Variants in LOC400499 observed in about 807,000 individuals in gnomAD.
the LOC400499 span, among the ~76,000 whole-genome samples, chr16:11,504,138 A>G: frequency 6.6e-6 from 1 of 152,166 alleles, no homozygotes. Flanking sequence ...GCACGACAGG[A>G]GGGATCATTA....
the LOC400499 span, among the ~76,000 whole-genome samples, chr16:11,397,627 A>C: frequency 6.6e-6 from 1 of 152,080 alleles, no homozygotes; most frequent in Non-Finnish European, 1.5e-5. Context: ...TATTGTCTAT[A>C]GCTGCTTTCA....
At chr16:11,465,361 A>C in the LOC400499 span, 1 of 152,156 alleles carries the variant, frequency 6.6e-6, no homozygotes, top group South Asian at 2.1e-4. Flanking sequence ...TCCTCACCTC[A>C]AGTGATCCTC....
chr16:11,498,503 A>AT, the LOC400499 span, among the ~76,000 whole-genome samples: 3 of 151,528 alleles, frequency 2.0e-5, no homozygotes, highest in East Asian at 5.8e-4. Flanking sequence ...ATGATTAAAT[A>AT]ATTAAATAAA....
chr16:11,402,235 G>A, the LOC400499 span: 8 of 398,744 alleles, frequency 2.0e-5, no homozygotes, highest in East Asian at 2.8e-4. Context: ...GGGGGTTCAG[G>A]GGACTCAACT....
the LOC400499 span, among the ~76,000 whole-genome samples, chr16:11,384,508 G>A: frequency 2.0e-5 from 3 of 152,198 alleles, no homozygotes; most frequent in Non-Finnish European, 2.9e-5. Context: ...CTCATCAGAG[G>A]AGGAAGAGAA....
At chr16:11,389,588 G>C in the LOC400499 span, among the ~76,000 whole-genome samples, 1 of 146,284 alleles carries the variant, frequency 6.8e-6, no homozygotes, top group Non-Finnish European at 1.5e-5. Flanking sequence ...GGGAGGCTGA[G>C]GCAGGAGAAT....
chr16:11,493,746 A>C, the LOC400499 span: 1 of 394,162 alleles, frequency 2.5e-6, no homozygotes, highest in East Asian at 3.6e-5. Context: ...TAGGGGTGAG[A>C]GCCATGGCTG....
At chr16:11,456,011 T>C in the LOC400499 span, among the ~76,000 whole-genome samples, 1 of 150,380 alleles carries the variant, frequency 6.6e-6, no homozygotes, top group Non-Finnish European at 1.5e-5. Context: ...AAATAAAAAC[T>C]GAAAAAATGG....
the LOC400499 span, chr16:11,519,003 C>G: frequency 2.5e-6 from 1 of 398,994 alleles, no homozygotes. Context: ...TTGGTGACCT[C>G]TCCTGTGATA....
At chr16:11,410,385 C>T in the LOC400499 span, among the ~76,000 whole-genome samples, 9 of 152,034 alleles carry the variant, frequency 5.9e-5, no homozygotes, top group South Asian at 2.1e-4. Flanking sequence ...ACCGGGGAGG[C>T]GGAGGTTGCA....
the LOC400499 span, among the ~76,000 whole-genome samples, chr16:11,477,461 G>A: frequency 6.6e-6 from 1 of 152,348 alleles, no homozygotes; most frequent in Non-Finnish European, 1.5e-5. Flanking sequence ...TCATCTGTCA[G>A]TGGGAATAAG....
At chr16:11,424,676 C>G in the LOC400499 span, among the ~76,000 whole-genome samples, 2 of 152,198 alleles carry the variant, frequency 1.3e-5, no homozygotes, top group African/African-American at 4.8e-5. Context: ...AAACAGGGGT[C>G]TGATTGTGTG....
chr16:11,514,379 G>A, the LOC400499 span: 6 of 399,126 alleles, frequency 1.5e-5, no homozygotes, highest in Non-Finnish European at 2.7e-5. Flanking sequence ...TGGATCTTGG[G>A]GCATCTCGTG....
chr16:11,497,162 G>A, the LOC400499 span, among the ~76,000 whole-genome samples: 1,592 of 152,302 alleles, frequency 0.01, 28 homozygotes, highest in African/African-American at 0.036. Flanking sequence ...CAGTGTGCGT[G>A]TGCACGTCCC....
At chr16:11,514,548 C>A in the LOC400499 span, 4 of 400,120 alleles carry the variant, frequency 1.0e-5, no homozygotes, top group Non-Finnish European at 1.3e-5. Context: ...GGCTGCGGAC[C>A]AAGAGGGGAA....
chr16:11,446,780 T>C, the LOC400499 span: 7 of 1,536,092 alleles, frequency 4.6e-6, no homozygotes, highest in African/African-American at 1.4e-5. Flanking sequence ...CCCAGGACCA[T>C]GGTCTGCAGG....
the LOC400499 span, among the ~76,000 whole-genome samples, chr16:11,462,980 G>A: frequency 1.3e-5 from 2 of 152,076 alleles, no homozygotes; most frequent in Non-Finnish European, 2.9e-5. Context: ...CCATCCCGCT[G>A]GTGGCAACTA....
the LOC400499 span, among the ~76,000 whole-genome samples, chr16:11,381,928 T>G: frequency 6.6e-6 from 1 of 150,750 alleles, no homozygotes; most frequent in Non-Finnish European, 1.5e-5. Context: ...AAGGGTCCTG[T>G]GTCTGTTTTC....
the LOC400499 span, chr16:11,502,205 A>C: frequency 1.0e-5 from 4 of 398,926 alleles, no homozygotes; most frequent in African/African-American, 8.2e-5. Flanking sequence ...GGGCAGCATG[A>C]GACACCCAGC....
Sources: gnomAD v4.1 joint callset for allele counts (sites outside exome capture counted in the v4.1 genomes callset) on GRCh38, gnomAD v4.1.1 for gene constraint, MANE v1.5 for transcripts.